The following SLC25A31 variants were observed in gnomAD, a reference collection of about 807,000 sequenced individuals.
The protein encoded by SLC25A31 is ADP/ATP translocase 4.
Under a neutral mutation model 36.2 loss-of-function variants are expected in SLC25A31, and 40 were observed. The ratio of observed to expected loss-of-function variants is 1.10; its 90% CI spans 0.86 to 1.44. The LOEUF is 1.44. Ranked by LOEUF, SLC25A31 falls within the 40% of genes most tolerant of loss-of-function variation. The pLI is 0.00. For synonymous variants in SLC25A31, 143 were observed against 149.7 expected (o/e 0.96, Z 0.32); for missense variants, 350 against 397.1 (o/e 0.88, Z 1.01).
At position 127,773,455 on chromosome 4, in the gene SLC25A31, A is replaced by T; in HGVS notation, c.829A>T (p.Ile277Phe). 6.2e-7 allele frequency: 1 copy of T among 1,614,146 alleles called. No individual in the cohort carries two copies. The highest frequency in any genetic ancestry group is 1.1e-5 in the South Asian group (1 of 91,074). Residue 277 changes from isoleucine to phenylalanine, a missense_variant, in exon 6 of 6, where the codon ATC becomes TTC. By Grantham distance (21) the Ile-to-Phe change is conservative. Coordinates refer to ENST00000281154, the MANE Select transcript of SLC25A31 (RefSeq NM_031291.4). ...CFVKIYQHEG[I>F]SSFFRGAFSN... ...TGTGAAGATATACCAACATGAAGGAATCAGTTCCTTTTTTCGTGGCGCCTT... is the reference window on the plus strand; with the variant it reads ...TGTGAAGATATACCAACATGAAGGATTCAGTTCCTTTTTTCGTGGCGCCTT...
chr4:127,755,196 A>T (rs547379915), intron 2 of SLC25A31, among the ~76,000 whole-genome samples: 88 of 152,226 alleles, frequency 5.8e-4, no homozygotes, highest in African/African-American at 1.9e-3. Context: ...TTGGGGAAAA[A>T]CTCCATGACA....
chr4:127,746,483 A>G (rs1199539435), intron 2 of SLC25A31, among the ~76,000 whole-genome samples: 2 of 152,008 alleles, frequency 1.3e-5, no homozygotes, highest in African/African-American at 4.8e-5. Context: ...AGCCATTTTG[A>G]CCATGAGACA....
intron 5 of SLC25A31, 104 bp from the exon 6 acceptor site, chr4:127,773,282 A>G: frequency 9.8e-7 from 1 of 1,025,462 alleles, no homozygotes; most frequent in South Asian, 1.8e-5. Context: ...ACACAGTGCT[A>G]CTCAACACAG....
At chr4:127,751,049 C>G (rs2148758402) in intron 2 of SLC25A31, among the ~76,000 whole-genome samples, 1 of 152,312 alleles carries the variant, frequency 6.6e-6, no homozygotes, top group Middle Eastern at 3.4e-3. Flanking sequence ...CAATGACTTT[C>G]TTCACAGAAT....
intron 2 of SLC25A31, among the ~76,000 whole-genome samples, chr4:127,764,031 A>G (rs893819301): frequency 2.0e-5 from 3 of 152,216 alleles, no homozygotes; most frequent in African/African-American, 7.2e-5. Flanking sequence ...CAGCATCTAA[A>G]CTGTGTCTTC....
At chr4:127,771,165 C>A (rs1234617538) in intron 5 of SLC25A31, among the ~76,000 whole-genome samples, 1 of 151,898 alleles carries the variant, frequency 6.6e-6, no homozygotes, top group African/African-American at 2.4e-5. Context: ...CCATTTTGCC[C>A]AGGCTGGTCT....
At chr4:127,734,200 T>TAC (rs1432291452) in intron 1 of SLC25A31, among the ~76,000 whole-genome samples, 8 of 152,242 alleles carry the variant, frequency 5.3e-5, no homozygotes, top group African/African-American at 1.9e-4. Flanking sequence ...GAGCAAAATA[T>TAC]ACATATGTAA....
intron 2 of SLC25A31, among the ~76,000 whole-genome samples, chr4:127,762,018 A>C (rs929947434): frequency 1.3e-5 from 2 of 152,190 alleles, no homozygotes; most frequent in Admixed American, 1.3e-4. Context: ...AAAACTGATG[A>C]GTGTTACTTA....
intron 2 of SLC25A31, among the ~76,000 whole-genome samples, chr4:127,763,617 A>C (rs917053049): frequency 7.9e-5 from 12 of 152,240 alleles, no homozygotes; most frequent in African/African-American, 2.7e-4. Context: ...TAGACCAGTG[A>C]GGCCTAACTT....
intron 5 of SLC25A31, among the ~76,000 whole-genome samples, chr4:127,772,260 G>T (rs1732378020): frequency 1.3e-5 from 2 of 152,244 alleles, no homozygotes; most frequent in East Asian, 3.9e-4. Context: ...AACAACTATA[G>T]TATTATTCCA....
chr4:127,742,096 A>C (rs535439724), intron 1 of SLC25A31, among the ~76,000 whole-genome samples: 1 of 152,262 alleles, frequency 6.6e-6, no homozygotes, highest in African/African-American at 2.4e-5. Flanking sequence ...CTGGATCTCA[A>C]AAAAATAAAC....
In SLC25A31 at chr4:127,773,336, A is replaced by G. The variant is rs773867937; in HGVS notation, c.760-50A>G. 7 of 1,525,690 alleles carry G rather than the reference A, an allele frequency of 4.6e-6. No homozygotes were observed. The African/African-American group carries it at 9.7e-5, about 21-fold the overall frequency. 94.5% of individuals were successfully genotyped at this position (1,525,690 alleles called of 1,614,324 possible). ...TTAGTGCTAATAGAAGACTGTCTTAAGATAAAAGATATTCAGATAATGGAA... is the reference window on the plus strand; with the variant it reads ...TTAGTGCTAATAGAAGACTGTCTTAGGATAAAAGATATTCAGATAATGGAA... On this transcript the variant is annotated intron_variant, in intron 5 of 5. Coordinates refer to ENST00000281154, the MANE Select transcript of SLC25A31 (RefSeq NM_031291.4).
intron 1 of SLC25A31, among the ~76,000 whole-genome samples, chr4:127,739,882 T>G (rs986984221): frequency 2.8e-4 from 43 of 152,110 alleles, no homozygotes; most frequent in African/African-American, 1.0e-3. Flanking sequence ...TTTTTTTAAT[T>G]GTATTTTGAA....
At chr4:127,738,742 C>G (rs1731679831) in intron 1 of SLC25A31, among the ~76,000 whole-genome samples, 1 of 151,612 alleles carries the variant, frequency 6.6e-6, no homozygotes, top group Non-Finnish European at 1.5e-5. Flanking sequence ...CTGGCTAAGT[C>G]TTTTTGTAAG....
intron 2 of SLC25A31, among the ~76,000 whole-genome samples, chr4:127,749,472 G>A (rs561634229): frequency 3.3e-5 from 5 of 152,260 alleles, no homozygotes; most frequent in African/African-American, 1.2e-4. Context: ...GCACTGGTGT[G>A]TAGTGGCTCA....
intron 2 of SLC25A31, among the ~76,000 whole-genome samples, chr4:127,746,623 A>G (rs1208175683): frequency 6.6e-6 from 1 of 151,692 alleles, no homozygotes; most frequent in East Asian, 1.9e-4. Flanking sequence ...CCACTTTTTA[A>G]TGGGGTTGTT....
intron 5 of SLC25A31, among the ~76,000 whole-genome samples, chr4:127,769,803 G>A (rs745781529): frequency 6.6e-6 from 1 of 152,172 alleles, no homozygotes; most frequent in East Asian, 1.9e-4. Flanking sequence ...CAGTGAGTAG[G>A]TTTACTTCAG....
At chr4:127,760,715 C>T (rs918531611) in intron 2 of SLC25A31, among the ~76,000 whole-genome samples, 3 of 152,152 alleles carry the variant, frequency 2.0e-5, no homozygotes, top group Admixed American at 6.5e-5. Context: ...CATCTTCTCC[C>T]TTCCTGATTC....
chr4:127,734,732 C>G (rs1020015142), intron 1 of SLC25A31, among the ~76,000 whole-genome samples: 5 of 151,742 alleles, frequency 3.3e-5, no homozygotes, highest in Non-Finnish European at 7.4e-5. Flanking sequence ...TCCTAGGGTC[C>G]ATCTTGAAGA....
Sources: gnomAD v4.1 joint callset for allele counts (sites outside exome capture counted in the v4.1 genomes callset) on GRCh38, gnomAD v4.1.1 for gene constraint, MANE v1.5 for transcripts, NCBI Gene and HGNC (gene_info 2026-07-23, HGNC 2026-07-21) for gene names.